The following DOCK5 variants were observed in gnomAD, a reference collection of about 807,000 sequenced individuals.
The protein encoded by DOCK5 is dedicator of cytokinesis 5, also known as dedicator of cytokinesis protein 5.
In DOCK5, 142 loss-of-function variants were observed where a neutral mutation model predicts 251.8. The ratio of observed to expected loss-of-function variants is 0.56; its 90% CI spans 0.49 to 0.65. The LOEUF (loss-of-function observed/expected upper bound fraction) is 0.65, where lower values mean the gene tolerates loss of function less well. Among genes scored for constraint, DOCK5 ranks in the 30% least tolerant of loss-of-function variants. DOCK5 has a pLI of 0.00. For missense variants in DOCK5, 2,111 were observed against 2,312.3 expected, an observed-to-expected ratio of 0.91 and a Z score of 1.79; for synonymous variants, 842 against 835.5, an observed-to-expected ratio of 1.01 and a Z score of -0.13.
intron 47 of DOCK5, 106 bp downstream of exon 47, chr8:25,401,172 G>A (rs577107022): frequency 1.4e-6 from 2 of 1,476,586 alleles, no homozygotes; most frequent in African/African-American, 1.4e-5. Context: ...ACTTAGCTAT[G>A]GCATGGAAAT....
At chr8:25,291,733 A>C (rs2117150842) in intron 5 of DOCK5, among the ~76,000 whole-genome samples, 1 of 149,594 alleles carries the variant, frequency 6.7e-6, no homozygotes, top group South Asian at 2.1e-4. Context: ...CAAGCTTATA[A>C]TCCCAGCACT....
At chr8:25,383,838 G>A (rs767956880) in intron 40 of DOCK5, among the ~76,000 whole-genome samples, 13 of 152,172 alleles carry the variant, frequency 8.5e-5, no homozygotes, top group Non-Finnish European at 1.8e-4. Flanking sequence ...CTAGGTGACA[G>A]AGCGAGACTC....
At chr8:25,247,453 C>T (rs748703363) in intron 2 of DOCK5, among the ~76,000 whole-genome samples, 1 of 151,860 alleles carries the variant, frequency 6.6e-6, no homozygotes, top group Non-Finnish European at 1.5e-5. Flanking sequence ...AAAACTTAGC[C>T]AAGCATGGTG....
chr8:25,206,591 C>T (rs1802007685), intron 1 of DOCK5, among the ~76,000 whole-genome samples: 1 of 152,164 alleles, frequency 6.6e-6, no homozygotes, highest in Admixed American at 6.5e-5. Flanking sequence ...TACCTGCCTG[C>T]CCACAGCCTG....
chr8:25,239,706 A>G (rs901478867), intron 1 of DOCK5, among the ~76,000 whole-genome samples: 1 of 152,142 alleles, frequency 6.6e-6, no homozygotes, highest in African/African-American at 2.4e-5. Context: ...CCAGTTACCC[A>G]TGAGAAAGTC....
At chr8:25,297,240 ACC>A (rs1804640627) in intron 7 of DOCK5, among the ~76,000 whole-genome samples, 1 of 145,998 alleles carries the variant, frequency 6.8e-6, no homozygotes, top group Non-Finnish European at 1.5e-5. Flanking sequence ...GATTACAGGC[ACC>A]CACCACCACA....
intron 10 of DOCK5, 128 bp downstream of exon 10, chr8:25,302,582 G>A (rs1379020467): frequency 1.6e-6 from 2 of 1,269,484 alleles, no homozygotes; most frequent in Non-Finnish European, 2.1e-6. Flanking sequence ...ACAATCAAAA[G>A]CAAGGTCTGG....
chr8:25,304,341 C>A lies in DOCK5; in HGVS notation c.1049+14C>A. ...TCCCTTTCAGCAGTAAGTACTTTGG[C>A]ATGTGTCCCAGGTGACTTGAGACCT... On this transcript the variant is annotated intron_variant, in intron 11 of 51. Coordinates refer to ENST00000276440, the MANE Select transcript of DOCK5 (RefSeq NM_024940.8). The A allele has an allele frequency of 6.3e-7, 1 of 1,598,184 alleles. No individual in the cohort carries two copies. Among genetic ancestry groups the A allele is most frequent in the Non-Finnish European group, 8.5e-7 (1 of 1,172,486 alleles).
At chr8:25,290,082 C>T (rs55814342) in intron 5 of DOCK5, among the ~76,000 whole-genome samples, 5,410 of 151,748 alleles carry the variant, frequency 0.036, 340 homozygotes, top group African/African-American at 0.12. Context: ...TAATATATGG[C>T]GTATATATTT....
intron 29 of DOCK5, among the ~76,000 whole-genome samples, chr8:25,363,419 G>A (rs573159035): frequency 7.2e-5 from 11 of 152,236 alleles, no homozygotes; most frequent in Non-Finnish European, 1.5e-4. Context: ...GCACCTTTCC[G>A]TGGCTCCACG....
In DOCK5 at chr8:25,376,167, A is replaced by G. The variant is rs1032740816; in HGVS notation, c.3817-1138A>G. On this transcript the variant is annotated intron_variant, in intron 37 of 51. Coordinates refer to ENST00000276440, the MANE Select transcript of DOCK5 (RefSeq NM_024940.8). ...AGAAAGTGAGGCTTGTTGACTGTGGATTTCGCCATTGTATGATCAGAAAGA... is the reference window on the plus strand; with the variant it reads ...AGAAAGTGAGGCTTGTTGACTGTGGGTTTCGCCATTGTATGATCAGAAAGA... 3.0e-6 allele frequency: 3 copies of G among 983,956 alleles called. No individual in the cohort carries two copies. In the African/African-American group the frequency reaches 5.3e-5, roughly 17 times the overall value. The allele number at this position is 983,956 out of a possible 1,614,324, so 61.0% of individuals were successfully genotyped here.
rs1318231830 is a variant in DOCK5, at chr8:25,308,583, CTT to C, written c.1050-198_1050-197del. ...GTACTCTTGGGTTTTTTTCCTCCCT[CTT>C]TGCCTCAAGTCATTTCCAAGGTGAA... On this transcript the variant is annotated intron_variant, in intron 11 of 51. Coordinates refer to ENST00000276440, the MANE Select transcript of DOCK5 (RefSeq NM_024940.8). 2.0e-5 allele frequency among the ~76,000 whole-genome samples: 3 copies of C among 152,242 alleles called. No homozygotes were observed. In the East Asian group the frequency reaches 5.8e-4, roughly 29 times the overall value.
chr8:25,270,211 T>C (rs909494318), intron 3 of DOCK5, among the ~76,000 whole-genome samples: 10 of 152,254 alleles, frequency 6.6e-5, no homozygotes, highest in South Asian at 2.1e-4. Context: ...TAGTGTCGCA[T>C]GTCTTTATTT....
At chr8:25,393,087 A>G (rs1801288671) in intron 44 of DOCK5, among the ~76,000 whole-genome samples, 2 of 152,198 alleles carry the variant, frequency 1.3e-5, no homozygotes, top group South Asian at 2.1e-4. Context: ...CTAAAGGTCA[A>G]TCACAGTGAA....
At chr8:25,377,546 A>C in intron 38 of DOCK5, 122 bp downstream of exon 38, 1 of 1,254,090 alleles carries the variant, frequency 8.0e-7, no homozygotes, top group Non-Finnish European at 1.1e-6. Flanking sequence ...CACTGTCTCC[A>C]ACGAGACTGC....
chr8:25,410,960 TGTGTGTGTGTGTGCGC>T (rs1563236023), intron 51 of DOCK5, among the ~76,000 whole-genome samples: 65 of 29,854 alleles, frequency 2.2e-3, no homozygotes, highest in Admixed American at 0.013. Context: ...TGTGTGTGTG[TGTGTGTGTGTGTGCGC>T]GCGCGCGCAC....
intron 1 of DOCK5, among the ~76,000 whole-genome samples, chr8:25,231,281 C>T (rs772739839): frequency 5.9e-5 from 9 of 152,072 alleles, no homozygotes; most frequent in Non-Finnish European, 1.0e-4. Context: ...TTTATTTCTC[C>T]GTTTTCCTTT....
intron 2 of DOCK5, among the ~76,000 whole-genome samples, chr8:25,247,600 GAA>G (rs908695577): frequency 6.9e-6 from 1 of 145,564 alleles, no homozygotes; most frequent in Admixed American, 6.8e-5. Context: ...GTCTCAAAAA[GAA>G]AAAAAAAAGT....
At chr8:25,373,330 G>A (rs1263063027) in intron 35 of DOCK5, among the ~76,000 whole-genome samples, 1 of 152,114 alleles carries the variant, frequency 6.6e-6, no homozygotes, top group African/African-American at 2.4e-5. Context: ...TGATTTTTGA[G>A]ATTTTAGAGC....
Sources: allele counts gnomAD v4.1 joint callset (sites outside exome capture counted in the v4.1 genomes callset), GRCh38; gene constraint gnomAD v4.1.1; transcripts MANE v1.5; gene names NCBI Gene and HGNC (gene_info 2026-07-23, HGNC 2026-07-21).